The following IDUA variants were observed in gnomAD, a reference collection of about 807,000 sequenced individuals.
IDUA encodes iduronidase alpha-L-.
A neutral mutation model predicts 68.9 loss-of-function variants in IDUA; 65 were observed. That is an observed-to-expected ratio of 0.94 (90% CI 0.77 to 1.16). IDUA has a LOEUF of 1.16. IDUA is among the 50% of genes most tolerant of loss of function. The pLI is 0.00. For synonymous variants in IDUA, 529 were observed against 433.6 expected, an observed-to-expected ratio of 1.22 and a Z score of -2.73; for missense variants, 1,046 against 938.0, an observed-to-expected ratio of 1.12 and a Z score of -1.50.
At chr4:997,273 A>T (rs1040578929) in intron 2 of IDUA, among the ~76,000 whole-genome samples, 5 of 151,638 alleles carry the variant, frequency 3.3e-5, no homozygotes, top group African/African-American at 1.2e-4. Context: ...TTCTCCCAAG[A>T]GGCGGGTCTG....
Position 1,002,744 on chromosome 4 carries a change from T to C in IDUA, c.1202T>C (p.Leu401Pro). The change falls in exon 9 of 14, where the codon CTC becomes CCC. Residue 401 changes from leucine to proline, a missense_variant. By Grantham distance (98) the Leu-to-Pro change is moderately conservative. Transcript: ENST00000514224. ...CCCCGCCCCGCAGATGAGGAGCAGCTCTGGGCCGAAGTGTCGCAGGCCGGG... is the reference window on the plus strand; with the variant it reads ...CCCCGCCCCGCAGATGAGGAGCAGCCCTGGGCCGAAGTGTCGCAGGCCGGG... ...GLLALLDEEQ[L>P]WAEVSQAGTV... The C allele has an allele frequency of 6.8e-7, 1 of 1,472,124 alleles. No homozygotes were observed. Among genetic ancestry groups the C allele is most frequent in the African/African-American group, 1.5e-5 (1 of 66,698 alleles). The allele number at this position is 1,472,124 out of a possible 1,614,324, so 91.2% of individuals were successfully genotyped here.
At position 991,477 on chromosome 4, in the gene IDUA, C is replaced by T. The variant is rs1714322838; in HGVS notation, c.299+3528C>T. 2.5e-6 allele frequency: 4 copies of T among 1,611,426 alleles called. No individual in the cohort carries two copies. The highest frequency in any genetic ancestry group is 3.4e-6 in the Non-Finnish European group (4 of 1,178,808). On this transcript the variant is annotated intron_variant, in intron 2 of 13. Transcript: ENST00000514224. ...CACCAGGATGATGCCGATGACCAGC[C>T]CAGACATGACGTCGCCTGCCAGGTA...
chr4:989,078 ACAG>A (rs1420876374), intron 2 of IDUA: 1 of 1,594,610 alleles, frequency 6.3e-7, no homozygotes, highest in African/African-American at 1.3e-5. Context: ...GCGTCTAGGA[ACAG>A]CAGCGGGGCG....
chr4:999,277 T>C (rs1236655300), intron 2 of IDUA, among the ~76,000 whole-genome samples: 3 of 152,054 alleles, frequency 2.0e-5, no homozygotes, highest in Non-Finnish European at 2.9e-5. Flanking sequence ...GATCCTTGTT[T>C]CGCTCTGGGT....
At chr4:989,367 A>T in intron 2 of IDUA, 1 of 1,588,016 alleles carries the variant, frequency 6.3e-7, no homozygotes, top group Non-Finnish European at 8.6e-7. Context: ...ACTCTGTGGC[A>T]TCCTCGTAGA....
Position 1,004,224 on chromosome 4 carries a change from A to T in IDUA, c.1829-36A>T. 1 of 1,609,784 alleles carries T rather than the reference A, an allele frequency of 6.2e-7. No homozygotes were observed. On this transcript the variant is annotated intron_variant, in intron 13 of 13. Transcript: ENST00000514224. The surrounding 1 kb of genome is among the most constrained non-coding windows in gnomAD (Gnocchi z 5.0). Reference sequence around the variant, plus strand: ...GGTCAGGGGGCTTTCGGGTGGGGGCAGGTTCCGGTTGGCACACATGTCCCC... The same window carrying T: ...GGTCAGGGGGCTTTCGGGTGGGGGCTGGTTCCGGTTGGCACACATGTCCCC...
intron 2 of IDUA, chr4:991,697 C>A: frequency 6.5e-7 from 1 of 1,535,024 alleles, no homozygotes; most frequent in Non-Finnish European, 8.7e-7. Flanking sequence ...TCAGGGGACT[C>A]GTCCATCCTG....
intron 12 of IDUA, 69 bp downstream of exon 12, chr4:1,003,694 C>G: frequency 6.4e-7 from 1 of 1,560,100 alleles, no homozygotes; most frequent in Non-Finnish European, 8.8e-7. Flanking sequence ...ACCCCTTCAC[C>G]CATGCGGTCA....
intron 2 of IDUA, among the ~76,000 whole-genome samples, chr4:993,637 G>GA (rs1032244825): frequency 3.9e-5 from 6 of 152,206 alleles, no homozygotes; most frequent in South Asian, 2.1e-4. Context: ...CTGCCGGGGG[G>GA]GCTTAGGGAC....
In IDUA at chr4:1,000,620, C is replaced by G; in HGVS notation, c.308C>G (p.Thr103Ser). The G allele has an allele frequency of 1.9e-6, 3 of 1,612,398 alleles. No homozygotes were observed. Among genetic ancestry groups the G allele is most frequent in the Non-Finnish European group, 2.5e-6 (3 of 1,179,512 alleles). ...LLELVTTRGS[T>S]GRGLSYNFTH... is the part of the protein sequence containing the mutation. ...TGACCGTCCTTCTGCAGGGGGTCCA[C>G]TGGACGGGGCCTGAGCTACAACTTC... The change falls in exon 3 of 14, where the codon ACT becomes AGT. Residue 103 changes from threonine to serine, a missense_variant. By Grantham distance (58) the Thr-to-Ser change is moderately conservative (BLOSUM62 1). Transcript: ENST00000514224.
In IDUA at chr4:1,004,348, G is replaced by A. The variant is rs769599616; in HGVS notation, c.1917G>A (p.Leu639=). 6.2e-7 allele frequency: 1 copy of A among 1,611,716 alleles called. No homozygotes were observed. Among genetic ancestry groups the A allele is most frequent in the Non-Finnish European group, 8.5e-7 (1 of 1,179,964 alleles). ...CCTTCTCGGACCCTGTGCCGTACCTGGAGGTCCCTGTGCCAAGAGGGCCCC... is the reference window on the plus strand; with the variant it reads ...CCTTCTCGGACCCTGTGCCGTACCTAGAGGTCCCTGTGCCAAGAGGGCCCC... ...PGPFSDPVPY[L]EVPVPRGPPS... The change falls in exon 14 of 14, where the codon CTG becomes CTA. Residue 639 remains leucine (L), a synonymous_variant. Transcript: ENST00000514224. This position sits in a 1 kb window ranked among gnomAD's most constrained non-coding sequence, Gnocchi z 5.0.
rs886043839 is a variant in IDUA at position 1,002,813 on chromosome 4, C to T, written c.1271C>T (p.Ala424Val). 8.2e-6 allele frequency: 12 copies of T among 1,458,444 alleles called. No individual in the cohort carries two copies. The African/African-American group carries it at 1.8e-4, about 22-fold the overall frequency. The allele number at this position is 1,458,444 out of a possible 1,614,324, so 90.3% of individuals were successfully genotyped here. The change falls in exon 9 of 14, where the codon GCC (alanine) becomes GTC (valine). Residue 424 changes from alanine (A) to valine (V), a missense_variant. Ala to Val is a moderately conservative substitution (Grantham distance 64). Transcript: ENST00000514224. ...SNHTVGVLAS[A>V]HRPQGPADAW... ...CACACGGTGGGCGTCCTGGCCAGCGCCCACCGCCCCCAGGGCCCGGCCGAC... is the reference window on the plus strand; with the variant it reads ...CACACGGTGGGCGTCCTGGCCAGCGTCCACCGCCCCCAGGGCCCGGCCGAC...
chr4:999,028 C>A (rs1355984377), intron 2 of IDUA, among the ~76,000 whole-genome samples: 1 of 151,966 alleles, frequency 6.6e-6, no homozygotes, highest in Non-Finnish European at 1.5e-5. Flanking sequence ...CATGGTGAAA[C>A]TCCGTCTCTA....
intron 1 of IDUA, 112 bp downstream of exon 1, chr4:987,354 T>G (rs1713813730): frequency 3.7e-6 from 4 of 1,068,058 alleles, no homozygotes; most frequent in South Asian, 1.5e-5. Flanking sequence ...TCTGGGGCCC[T>G]GGCTCTCCCG....
intron 1 of IDUA, chr4:987,589 C>T (rs1713834338): frequency 7.1e-7 from 1 of 1,409,682 alleles, no homozygotes; most frequent in Admixed American, 2.7e-5. Flanking sequence ...AGGGCCAGGG[C>T]CAGGGCTGGC....
rs374288131 is a variant in IDUA, at chr4:991,466, C to T, written c.299+3517C>T. ...ATGGCCTGCGGCACCAGGATGATGC[C>T]GATGACCAGCCCAGACATGACGTCG... On this transcript the variant is annotated intron_variant, in intron 2 of 13. Coordinates refer to ENST00000514224, the MANE Select transcript of IDUA (RefSeq NM_000203.5). 123 of 1,612,362 alleles carry T rather than the reference C, an allele frequency of 7.6e-5. No individual in the cohort carries two copies. Among genetic ancestry groups the T allele is most frequent in the Middle Eastern group, 3.3e-4 (2 of 6,084 alleles).
chr4:987,106 G>A lies in IDUA; in HGVS notation c.22G>A (p.Ala8Thr), dbSNP rs1441549249. 1 of 1,456,438 alleles carries A rather than the reference G, an allele frequency of 6.9e-7. No individual in the cohort carries two copies. Among genetic ancestry groups the A allele is most frequent in the Non-Finnish European group, 9.0e-7 (1 of 1,109,388 alleles). The allele number at this position is 1,456,438 out of a possible 1,614,324, so 90.2% of individuals were successfully genotyped here. A position where few individuals can be genotyped will look rare whatever the true frequency, so the allele number is the denominator to read the frequency against. The change falls in exon 1 of 14, where the codon GCC (alanine) becomes ACC (threonine). Residue 8 changes from alanine to threonine, a missense_variant. Ala to Thr is a moderately conservative substitution (Grantham distance 58, BLOSUM62 0). Transcript: ENST00000514224. The stretch of plus-strand genomic sequence containing the variant: ...GGCCATGCGTCCCCTGCGCCCCCGC[G>A]CCGCGCTGCTGGCGCTCCTGGCCTC... MRPLRPR[A>T]ALLALLASLL...
chr4:990,563 G>A (rs898022988), intron 2 of IDUA: 5 of 600,654 alleles, frequency 8.3e-6, no homozygotes, highest in Non-Finnish European at 1.5e-5. Context: ...AGACAACTGT[G>A]ACATCCACGT....
Position 1,003,082 on chromosome 4 carries a change from C to T in IDUA, c.1449C>T (p.Pro483=), listed in dbSNP as rs761637332. Residue 483 remains proline, a synonymous_variant, in exon 10 of 14, where the codon CCC becomes CCT. Coordinates refer to ENST00000514224, the MANE Select transcript of IDUA (RefSeq NM_000203.5). ...TRYLDNGLCS[P]DGEWRRLGRP... is the part of the protein sequence containing the mutation. ...ACCTGGACAACGGGCTCTGCAGCCCCGACGGCGAGTGGCGGCGCCTGGGCC... is the reference window on the plus strand; with the variant it reads ...ACCTGGACAACGGGCTCTGCAGCCCTGACGGCGAGTGGCGGCGCCTGGGCC... The T allele has an allele frequency of 3.4e-5, 52 of 1,521,498 alleles. No individual in the cohort carries two copies. The highest frequency in any genetic ancestry group is 4.2e-5 in the Non-Finnish European group (48 of 1,143,260). The allele number at this position is 1,521,498 out of a possible 1,614,324, so 94.2% of individuals were successfully genotyped here. A position where few individuals can be genotyped will look rare whatever the true frequency, so the allele number is the denominator to read the frequency against.
Sources: gnomAD v4.1 joint callset for allele counts (sites outside exome capture counted in the v4.1 genomes callset) on GRCh38, gnomAD v4.1.1 for gene constraint, Gnocchi (gnomAD v3.1) non-coding constraint, MANE v1.5 for transcripts, NCBI Gene and HGNC (gene_info 2026-07-23, HGNC 2026-07-21) for gene names.